CHTOP: variants seen among roughly 807,000 people sequenced by gnomAD.
The protein encoded by CHTOP is chromatin target of PRMT1 protein.
CHTOP carries 18 observed loss-of-function variants against 33.6 expected under a neutral mutation model. The observed-to-expected ratio is 0.54, with a 90% confidence interval of 0.37 to 0.80. The LOEUF is 0.80. Ranked by LOEUF, CHTOP falls within the 30% of genes least tolerant of loss-of-function variation. The pLI is 0.00. For missense variants in CHTOP, 263 were observed against 336.8 expected (o/e 0.78, Z 1.71); for synonymous variants, 117 against 127.7 (o/e 0.92, Z 0.56).
At chr1:153,642,219 A>G (rs761572422) in intron 3 of CHTOP, 27 bp from the exon 4 acceptor site, 4 of 1,566,504 alleles carry the variant, frequency 2.6e-6, no homozygotes, top group Non-Finnish European at 3.5e-6. Context: ...TTTGATCTCA[A>G]TCCCCTAACA....
rs1372169432 is a variant in CHTOP at position 153,646,077 on chromosome 1, G to A, written c.*808G>A. 6.6e-6 allele frequency: 1 copy of A among 152,250 alleles called. No individual in the cohort carries two copies. Among genetic ancestry groups the A allele is most frequent in the African/African-American group, 2.4e-5 (1 of 41,448 alleles). 9.4% of individuals were successfully genotyped at this position (152,250 alleles called of 1,614,324 possible). The stretch of plus-strand genomic sequence containing the variant: ...ATTTGATTTGGTAGGTGTGTCAGAA[G>A]GGAGAATGATGGCAGACGAACTGCT... On this transcript the variant is annotated 3_prime_UTR_variant, in exon 6 of 6. Coordinates refer to ENST00000368694, the MANE Select transcript of CHTOP (RefSeq NM_015607.4).
intron 5 of CHTOP, chr1:153,643,700 C>G (rs1571321614): frequency 5.7e-6 from 1 of 176,392 alleles, no homozygotes; most frequent in East Asian, 1.6e-4. Flanking sequence ...CCATCACCAC[C>G]ACATACCACC....
intron 2 of CHTOP, chr1:153,638,053 C>G (rs1293495747): frequency 2.0e-6 from 1 of 497,042 alleles, no homozygotes; most frequent in Non-Finnish European, 3.7e-6. Flanking sequence ...AAAGCCGTTA[C>G]CTGAGCCCTC....
At chr1:153,635,228 C>G (rs1479438206) in intron 1 of CHTOP, among the ~76,000 whole-genome samples, 1 of 151,882 alleles carries the variant, frequency 6.6e-6, no homozygotes, top group Admixed American at 6.6e-5. Context: ...TTTCCCCCGA[C>G]CCCACAATTG....
chr1:153,644,158 C>T (rs1668720654), intron 5 of CHTOP: 2 of 152,124 alleles, frequency 1.3e-5, no homozygotes, highest in Non-Finnish European at 2.9e-5. Context: ...CTTGGGTCTT[C>T]CATAACTTAT....
intron 2 of CHTOP, 134 bp from the exon 3 acceptor site, chr1:153,638,161 G>A: frequency 1.2e-6 from 1 of 816,536 alleles, no homozygotes; most frequent in Non-Finnish European, 2.0e-6. Context: ...ACCCACATCA[G>A]CCTTGATCTA....
Position 153,641,217 on chromosome 1 carries a change from C to T in CHTOP, c.220-1029C>T, listed in dbSNP as rs575279499. Among the ~76,000 whole-genome samples, 12 of 152,342 alleles carry T rather than the reference C, an allele frequency of 7.9e-5. No individual in the cohort carries two copies. The South Asian group carries it at 1.9e-3, about 24-fold the overall frequency. Reference sequence around the variant, plus strand: ...GTTGATTAGAAAACACACACATACACGTTGGTAGTCACTTGTGGGTGAAGC... The same window carrying T: ...GTTGATTAGAAAACACACACATACATGTTGGTAGTCACTTGTGGGTGAAGC... On this transcript the variant is annotated intron_variant, in intron 3 of 5. Coordinates refer to ENST00000368694, the MANE Select transcript of CHTOP (RefSeq NM_015607.4).
Position 153,646,210 on chromosome 1 carries a change from C to G in CHTOP, c.*941C>G, listed in dbSNP as rs1668821557. ...TTAGCTTTGTTTTGCCCTTGTTTCC[C>G]TTGAAGGTTTAAGTTCAACCATATT... On this transcript the variant is annotated 3_prime_UTR_variant, in exon 6 of 6. Transcript: ENST00000368694. 1 of 152,148 alleles carries G rather than the reference C, an allele frequency of 6.6e-6. No homozygotes were observed. The highest frequency in any genetic ancestry group is 1.5e-5 in the Non-Finnish European group (1 of 68,022). The allele number at this position is 152,148 out of a possible 1,614,324, so 9.4% of individuals were successfully genotyped here.
Position 153,643,222 on chromosome 1 carries a change from C to T in CHTOP, c.404-5C>T. ...TGCATATACATTGTATGCCTCCTCTCTAAGGTCAAAACCTGCTCCGAGGTG... is the reference window on the plus strand; with the variant it reads ...TGCATATACATTGTATGCCTCCTCTTTAAGGTCAAAACCTGCTCCGAGGTG... On this transcript the variant is annotated splice_region_variant and splice_polypyrimidine_tract_variant and intron_variant, in intron 4 of 5. Coordinates refer to ENST00000368694, the MANE Select transcript of CHTOP (RefSeq NM_015607.4). 1 of 1,614,128 alleles carries T rather than the reference C, an allele frequency of 6.2e-7. No homozygotes were observed. The highest frequency in any genetic ancestry group is 8.5e-7 in the Non-Finnish European group (1 of 1,179,996).
chr1:153,636,128 T>C (rs1342223770), intron 1 of CHTOP, among the ~76,000 whole-genome samples: 1 of 150,928 alleles, frequency 6.6e-6, no homozygotes, highest in African/African-American at 2.4e-5. Flanking sequence ...TGGGTCTCGC[T>C]TTGTTACCCA....
At chr1:153,636,142 T>A (rs2101681265) in intron 1 of CHTOP, among the ~76,000 whole-genome samples, 1 of 151,422 alleles carries the variant, frequency 6.6e-6, no homozygotes, top group East Asian at 2.0e-4. Flanking sequence ...TTACCCAGGC[T>A]GGTCTCTAAC....
At chr1:153,639,927 C>T (rs972572403) in intron 3 of CHTOP, among the ~76,000 whole-genome samples, 1 of 152,072 alleles carries the variant, frequency 6.6e-6, no homozygotes, top group Non-Finnish European at 1.5e-5. Flanking sequence ...GCGCCCGCCA[C>T]CACACCCGGC....
Position 153,645,417 on chromosome 1 carries a change from G to A in CHTOP, c.*148G>A, listed in dbSNP as rs1668778611. 1 of 636,390 alleles carries A rather than the reference G, an allele frequency of 1.6e-6. No homozygotes were observed. 39.4% of individuals were successfully genotyped at this position (636,390 alleles called of 1,614,324 possible). A position where few individuals can be genotyped will look rare whatever the true frequency, so the allele number is the denominator to read the frequency against. On this transcript the variant is annotated 3_prime_UTR_variant, in exon 6 of 6. Coordinates refer to ENST00000368694, the MANE Select transcript of CHTOP (RefSeq NM_015607.4). ...TACTTGCCACCAGCTTGTGCATTTA[G>A]TGTGTTCCTTTTACTTTTTGATACT... is the stretch of plus-strand genomic sequence containing the variant.
intron 3 of CHTOP, among the ~76,000 whole-genome samples, chr1:153,641,705 T>C (rs1668630371): frequency 6.6e-6 from 1 of 152,072 alleles, no homozygotes; most frequent in South Asian, 2.1e-4. Context: ...AGAGGAAAAA[T>C]GGAGCACACG....
At position 153,638,384 on chromosome 1, in the gene CHTOP, A is replaced by C; in HGVS notation, c.155A>C (p.Asn52Thr). ...QQQQQLASARNRRLAQQMENR... is the reference protein window; with the variant it reads ...QQQQQLASARTRRLAQQMENR... ...CAACAGCAGCTAGCCAGTGCCAGAAACAGAAGACTGGCCCAGCAGATGGAG... is the reference window on the plus strand; with the variant it reads ...CAACAGCAGCTAGCCAGTGCCAGAACCAGAAGACTGGCCCAGCAGATGGAG... Residue 52 changes from asparagine to threonine, a missense_variant, in exon 3 of 6, where the codon AAC (asparagine) becomes ACC (threonine). Physicochemically the swap from Asn to Thr is moderately conservative, Grantham distance 65. This residue lies in a region of CHTOP where 73 missense variants were observed against 108.9 expected (regional missense o/e 0.67). Transcript: ENST00000368694. The C allele has an allele frequency of 1.2e-6, 2 of 1,614,244 alleles. No homozygotes were observed. Among genetic ancestry groups the C allele is most frequent in the Non-Finnish European group, 1.7e-6 (2 of 1,180,030 alleles).
intron 2 of CHTOP, chr1:153,637,938 C>G (rs528882423): frequency 4.3e-6 from 1 of 233,622 alleles, no homozygotes; most frequent in Non-Finnish European, 8.6e-6. Flanking sequence ...GAATGCACCT[C>G]GGATCCCCCA....
intron 5 of CHTOP, 66 bp from the exon 6 acceptor site, chr1:153,644,998 T>C (rs1203728714): frequency 2.0e-6 from 3 of 1,470,982 alleles, no homozygotes; most frequent in Non-Finnish European, 2.8e-6. Context: ...AAGGGGCATT[T>C]ACTACAGCAC....
intron 1 of CHTOP, among the ~76,000 whole-genome samples, chr1:153,635,952 A>T (rs556298768): frequency 6.6e-6 from 1 of 152,126 alleles, no homozygotes; most frequent in East Asian, 1.9e-4. Context: ...TGTTTTAAAG[A>T]GATGGGGTCT....
rs202064952 is a variant in CHTOP, at chr1:153,643,355, G to T, written c.532G>T (p.Gly178Cys). ...GRGAMGRGGI[G>C]GRGRGMIGRG... ...TGGAGCTATGGGTCGTGGCGGAATC[G>T]GTGGTAGAGGTTAGTCAGCTACCAA... Residue 178 changes from glycine to cysteine, a missense_variant, in exon 5 of 6, where the codon GGT (glycine) becomes TGT (cysteine). Gly to Cys is a radical substitution (Grantham distance 159). Around this residue, in one of 3 missense-constraint regions of CHTOP, gnomAD observed 168 missense variants for 179.9 expected, o/e 0.93. Coordinates refer to ENST00000368694, the MANE Select transcript of CHTOP (RefSeq NM_015607.4). 6.4e-7 allele frequency: 1 copy of T among 1,561,392 alleles called. No homozygotes were observed. The highest frequency in any genetic ancestry group is 8.6e-7 in the Non-Finnish European group (1 of 1,157,146).
Sources: gnomAD v4.1 joint callset for allele counts (sites outside exome capture counted in the v4.1 genomes callset) on GRCh38, gnomAD v4.1.1 for gene constraint, gnomAD v4.1.1 regional missense constraint, MANE v1.5 for transcripts, NCBI Gene and HGNC (gene_info 2026-07-23, HGNC 2026-07-21) for gene names.